Variants in SYNPR observed in about 807,000 individuals in gnomAD.
SYNPR encodes synaptoporin.
SYNPR carries 23 observed loss-of-function variants against 32.9 expected under a neutral mutation model. The observed-to-expected ratio is 0.70, with a 90% confidence interval of 0.50 to 0.99. SYNPR has a LOEUF of 0.99. Among genes scored for constraint, SYNPR ranks in the 50% least tolerant of loss-of-function variants. The pLI is 0.00. For synonymous variants in SYNPR, 146 were observed against 135.9 expected, an observed-to-expected ratio of 1.07 and a Z score of -0.52; for missense variants, 318 against 349.3, an observed-to-expected ratio of 0.91 and a Z score of 0.71.
chr3:63,229,704 TATCAGTATTATTATTATTCA>T (rs1208823946), intron 1 of SYNPR, among the ~76,000 whole-genome samples: 1 of 152,134 alleles, frequency 6.6e-6, no homozygotes, highest in Admixed American at 6.5e-5. Context: ...TGTCCATATT[TATCAGTATTATTATTATTCA>T]CTCAATACTT....
At chr3:63,346,532 C>G (rs1020910343) in intron 2 of SYNPR, among the ~76,000 whole-genome samples, 6 of 152,022 alleles carry the variant, frequency 3.9e-5, no homozygotes, top group African/African-American at 1.5e-4. Flanking sequence ...AGTGCAGTGG[C>G]GTGGTCTCGG....
At chr3:63,572,762 T>C (rs1307836884) in intron 4 of SYNPR, among the ~76,000 whole-genome samples, 5 of 152,204 alleles carry the variant, frequency 3.3e-5, no homozygotes, top group Non-Finnish European at 5.9e-5. Context: ...AGGAACTGTA[T>C]GCATAAAAAG....
intron 2 of SYNPR, among the ~76,000 whole-genome samples, chr3:63,424,035 G>A (rs1478553550): frequency 6.6e-6 from 1 of 152,176 alleles, no homozygotes; most frequent in East Asian, 1.9e-4. Context: ...TAAATGTAAT[G>A]TGGTATCTTG....
chr3:63,358,727 C>T (rs2087617839), intron 2 of SYNPR, among the ~76,000 whole-genome samples: 1 of 152,086 alleles, frequency 6.6e-6, no homozygotes, highest in South Asian at 2.1e-4. Context: ...GTTCTATGCA[C>T]TCATCTAGAT....
chr3:63,254,039 C>T (rs565408572), intron 2 of SYNPR, among the ~76,000 whole-genome samples: 29 of 152,116 alleles, frequency 1.9e-4, no homozygotes, highest in African/African-American at 7.0e-4. Flanking sequence ...AAGCTGGAAA[C>T]CATCATTCTC....
chr3:63,494,419 GTA>G (rs376392666), intron 3 of SYNPR, among the ~76,000 whole-genome samples: 39,559 of 90,964 alleles, frequency 0.43, 7,314 homozygotes, highest in African/African-American at 0.56. Flanking sequence ...ATATATATAC[GTA>G]TATATATATA....
chr3:63,208,410 G>C, the SYNPR span, among the ~76,000 whole-genome samples: 44 of 152,318 alleles, frequency 2.9e-4, no homozygotes, highest in East Asian at 7.3e-3. Flanking sequence ...CAGAATGAGT[G>C]AGCATTTCTC....
intron 5 of SYNPR, among the ~76,000 whole-genome samples, chr3:63,613,261 C>G (rs919393505): frequency 3.3e-5 from 5 of 151,834 alleles, no homozygotes; most frequent in Non-Finnish European, 5.9e-5. Flanking sequence ...TAATCAAGAT[C>G]CCCCTTTTAA....
chr3:63,515,878 A>C (rs1701788611), intron 3 of SYNPR, among the ~76,000 whole-genome samples: 2 of 152,036 alleles, frequency 1.3e-5, no homozygotes, highest in African/African-American at 2.4e-5. Flanking sequence ...AATAACATTA[A>C]ATTATTTTTT....
At chr3:63,400,867 T>A (rs1036673087) in intron 2 of SYNPR, among the ~76,000 whole-genome samples, 1 of 151,894 alleles carries the variant, frequency 6.6e-6, no homozygotes, top group Admixed American at 6.6e-5. Context: ...CAATCTAAAT[T>A]AATTAAATAG....
intron 2 of SYNPR, among the ~76,000 whole-genome samples, chr3:63,453,466 A>G (rs1315702122): frequency 6.6e-6 from 1 of 152,192 alleles, no homozygotes; most frequent in Non-Finnish European, 1.5e-5. Context: ...ATGGCAATAA[A>G]TGCCAAAAAT....
intron 4 of SYNPR, among the ~76,000 whole-genome samples, chr3:63,564,421 T>C (rs1702748669): frequency 6.6e-6 from 1 of 151,734 alleles, no homozygotes; most frequent in Admixed American, 6.6e-5. Context: ...GGTCCCAAAC[T>C]CCTGACCTTG....
chr3:63,350,284 A>G (rs1250933159), intron 2 of SYNPR, among the ~76,000 whole-genome samples: 2 of 152,110 alleles, frequency 1.3e-5, no homozygotes, highest in African/African-American at 4.8e-5. Context: ...ACTATTCCCT[A>G]TATATACAGC....
chr3:63,442,164 A>AGTGT (rs34163380), intron 2 of SYNPR, among the ~76,000 whole-genome samples: 27,213 of 148,252 alleles, frequency 0.18, 2,611 homozygotes, highest in East Asian at 0.34. Context: ...TGGTAGTGAT[A>AGTGT]GTGTGTGTGT....
At chr3:63,226,615 C>T (rs933341175), upstream of SYNPR, among the ~76,000 whole-genome samples, 1 of 152,084 alleles carries the variant, frequency 6.6e-6, no homozygotes, top group African/African-American at 2.4e-5. Flanking sequence ...AAGACAAATA[C>T]CTCATGTTCT....
chr3:63,566,742 A>G, intron 4 of SYNPR, among the ~76,000 whole-genome samples: 1 of 152,184 alleles, frequency 6.6e-6, no homozygotes, highest in East Asian at 1.9e-4. Flanking sequence ...GTCTTCATCT[A>G]TCAAATGAAG....
At chr3:63,374,649 C>G (rs2107058501) in intron 2 of SYNPR, among the ~76,000 whole-genome samples, 1 of 152,148 alleles carries the variant, frequency 6.6e-6, no homozygotes, top group South Asian at 2.1e-4. Context: ...CTTTTATATC[C>G]CAAGTCTTCA....
intron 3 of SYNPR, among the ~76,000 whole-genome samples, chr3:63,517,481 T>C (rs911085119): frequency 6.6e-6 from 1 of 152,108 alleles, no homozygotes; most frequent in Non-Finnish European, 1.5e-5. Context: ...ACTTCTAGTA[T>C]AGACATCAAT....
chr3:63,418,003 G>C (rs2088563919), intron 2 of SYNPR, among the ~76,000 whole-genome samples: 1 of 152,160 alleles, frequency 6.6e-6, no homozygotes, highest in African/African-American at 2.4e-5. Context: ...TCTGCAGCTG[G>C]CTTGAATTTC....
Sources: gnomAD v4.1 joint callset for allele counts (sites outside exome capture counted in the v4.1 genomes callset) on GRCh38, gnomAD v4.1.1 for gene constraint, MANE v1.5 for transcripts, NCBI Gene and HGNC (gene_info 2026-07-23, HGNC 2026-07-21) for gene names.